ARHGAP26: variants seen among roughly 807,000 people sequenced by gnomAD.
The protein encoded by ARHGAP26 is rho GTPase-activating protein 26.
ARHGAP26 carries 38 observed loss-of-function variants against 104.8 expected under a neutral mutation model. The observed-to-expected ratio is 0.36, with a 90% CI of 0.28 to 0.48. ARHGAP26 has a LOEUF of 0.48. ARHGAP26 is among the 20% of genes least tolerant of loss of function. ARHGAP26 has a pLI of 0.99. For missense variants in ARHGAP26, 704 were observed against 947.9 expected (o/e 0.74, Z 3.38); for synonymous variants, 341 against 340.0 (o/e 1.00, Z -0.03).
chr5:142,996,040 G>T (rs923602552), intron 11 of ARHGAP26, among the ~76,000 whole-genome samples: 6 of 152,102 alleles, frequency 3.9e-5, no homozygotes, highest in African/African-American at 1.2e-4. Context: ...GGGGCCTACT[G>T]GGGGGTGGGG....
chr5:143,222,565 C>A lies in ARHGAP26; in HGVS notation c.*119C>A. On this transcript the variant is annotated 3_prime_UTR_variant, in exon 23 of 23. Coordinates refer to ENST00000645722, the MANE Select transcript of ARHGAP26 (RefSeq NM_001135608.3). ...TGCAGCGTGACTGACTCTGTTGCTA[C>A]CTGTCAACATGAATGTTTCTGTGAG... 2 of 703,864 alleles carry A rather than the reference C, an allele frequency of 2.8e-6. No individual in the cohort carries two copies. The highest frequency in any genetic ancestry group is 2.2e-6 in the Non-Finnish European group (1 of 456,072). 43.6% of individuals were successfully genotyped at this position (703,864 alleles called of 1,614,324 possible).
At chr5:142,919,813 A>G (rs530746509) in intron 10 of ARHGAP26, among the ~76,000 whole-genome samples, 67 of 152,254 alleles carry the variant, frequency 4.4e-4, no homozygotes, top group Non-Finnish European at 6.9e-4. Flanking sequence ...CCTGGCCAAC[A>G]TGGCAAGACC....
intron 20 of ARHGAP26, among the ~76,000 whole-genome samples, chr5:143,158,283 C>T (rs553521722): frequency 6.6e-6 from 1 of 152,222 alleles, no homozygotes; most frequent in South Asian, 2.1e-4. Flanking sequence ...AATTAAAATA[C>T]CCCAAATTAA....
chr5:143,115,442 T>A (rs977883708), intron 17 of ARHGAP26, among the ~76,000 whole-genome samples: 8 of 151,574 alleles, frequency 5.3e-5, no homozygotes, highest in Admixed American at 5.3e-4. Flanking sequence ...CACCAAAGAA[T>A]GAAAAGAGGA....
intron 17 of ARHGAP26, among the ~76,000 whole-genome samples, chr5:143,098,682 C>A (rs2150591363): frequency 6.6e-6 from 1 of 152,244 alleles, no homozygotes; most frequent in South Asian, 2.1e-4. Flanking sequence ...TGGATCTGTT[C>A]TTTCTTAGCT....
chr5:142,941,365 A>T (rs970023056), intron 11 of ARHGAP26, among the ~76,000 whole-genome samples: 4 of 152,110 alleles, frequency 2.6e-5, no homozygotes, highest in African/African-American at 9.7e-5. Context: ...GTGATCAGTG[A>T]TATTGTGAAC....
At chr5:143,093,934 T>C (rs1791865031) in intron 17 of ARHGAP26, among the ~76,000 whole-genome samples, 1 of 152,236 alleles carries the variant, frequency 6.6e-6, no homozygotes, top group African/African-American at 2.4e-5. Context: ...TCGCCTCTTT[T>C]TGAGGTTCAA....
chr5:143,019,549 A>G (rs1717908815), intron 12 of ARHGAP26, among the ~76,000 whole-genome samples: 1 of 152,192 alleles, frequency 6.6e-6, no homozygotes, highest in Non-Finnish European at 1.5e-5. Flanking sequence ...CTTTGTAATG[A>G]GTCCAGGTTG....
intron 1 of ARHGAP26, among the ~76,000 whole-genome samples, chr5:142,858,160 T>C (rs1752722676): frequency 6.6e-6 from 1 of 151,794 alleles, no homozygotes; most frequent in Admixed American, 6.6e-5. Flanking sequence ...TCAAGTGATA[T>C]ACCTGATGTA....
intron 19 of ARHGAP26, among the ~76,000 whole-genome samples, chr5:143,141,115 A>G (rs1291368626): frequency 6.6e-6 from 1 of 152,260 alleles, no homozygotes; most frequent in Middle Eastern, 3.2e-3. Flanking sequence ...CACGGGCTGC[A>G]GAAGGTGTGT....
chr5:143,105,359 A>G (rs1793840868), intron 17 of ARHGAP26, among the ~76,000 whole-genome samples: 3 of 150,914 alleles, frequency 2.0e-5, no homozygotes, highest in Non-Finnish European at 4.4e-5. Flanking sequence ...CTGGGCAACA[A>G]GAGCGAAGCT....
intron 10 of ARHGAP26, chr5:142,922,094 C>T (rs1471530202): frequency 6.6e-6 from 1 of 152,162 alleles, no homozygotes; most frequent in African/African-American, 2.4e-5. Flanking sequence ...TATGTGATAA[C>T]CTGTTGTTGA....
chr5:143,064,906 C>T (rs1787267478), intron 17 of ARHGAP26, among the ~76,000 whole-genome samples: 1 of 152,206 alleles, frequency 6.6e-6, no homozygotes, highest in African/African-American at 2.4e-5. Context: ...AAATGCTTGA[C>T]TTCAAGCTGT....
At chr5:143,064,822 A>G (rs1167708163) in intron 17 of ARHGAP26, among the ~76,000 whole-genome samples, 1 of 152,190 alleles carries the variant, frequency 6.6e-6, no homozygotes, top group Non-Finnish European at 1.5e-5. Context: ...TTTTGCCTTA[A>G]AAAACCCAAC....
chr5:143,183,386 G>A (rs537407682), intron 20 of ARHGAP26, among the ~76,000 whole-genome samples: 7 of 152,276 alleles, frequency 4.6e-5, no homozygotes, highest in South Asian at 2.1e-4. Flanking sequence ...AATGAGAGCC[G>A]TGTGCTCCGT....
chr5:142,836,392 C>T (rs1769572188), intron 1 of ARHGAP26, among the ~76,000 whole-genome samples: 1 of 152,150 alleles, frequency 6.6e-6, no homozygotes, highest in South Asian at 2.1e-4. Context: ...TTCCCAATGC[C>T]AGAATTCAAG....
At chr5:143,156,348 G>T (rs6887887) in intron 20 of ARHGAP26, among the ~76,000 whole-genome samples, 5 of 152,096 alleles carry the variant, frequency 3.3e-5, no homozygotes, top group Non-Finnish European at 7.4e-5. Context: ...GATCTGGAAA[G>T]CCAGGCAGGA....
intron 22 of ARHGAP26, among the ~76,000 whole-genome samples, chr5:143,218,551 T>C (rs1810688350): frequency 6.6e-6 from 1 of 151,884 alleles, no homozygotes; most frequent in Admixed American, 6.6e-5. Flanking sequence ...CCATGGTGAG[T>C]GAAGGAGGGC....
At chr5:143,011,888 A>G (rs1004165924) in intron 11 of ARHGAP26, among the ~76,000 whole-genome samples, 1 of 152,182 alleles carries the variant, frequency 6.6e-6, no homozygotes, top group Non-Finnish European at 1.5e-5. Context: ...TCTCAGTAGT[A>G]GAGTCCAAAG....
Sources: gnomAD v4.1 joint callset for allele counts (sites outside exome capture counted in the v4.1 genomes callset) on GRCh38, gnomAD v4.1.1 for gene constraint, MANE v1.5 for transcripts, NCBI Gene and HGNC (gene_info 2026-07-23, HGNC 2026-07-21) for gene names.